Variants in ADGRL2 observed in about 807,000 individuals in gnomAD.
ADGRL2 encodes the protein adhesion G protein-coupled receptor L2, also known as calcium-independent alpha-latrotoxin receptor 2.
Under a neutral mutation model 157.4 loss-of-function variants are expected in ADGRL2, and 44 were observed. That is an observed-to-expected ratio of 0.28 (90% CI 0.22 to 0.36). The LOEUF is 0.36. Ranked by LOEUF, ADGRL2 falls within the 10% of genes least tolerant of loss-of-function variation. ADGRL2 has a pLI of 1.00. For synonymous variants in ADGRL2, 585 were observed against 624.7 expected, an observed-to-expected ratio of 0.94 and a Z score of 0.95; for missense variants, 1,510 against 1,768.9, an observed-to-expected ratio of 0.85 and a Z score of 2.63.
chr1:81,976,977 CT>C, intron 17 of ADGRL2, among the ~76,000 whole-genome samples: 1 of 151,906 alleles, frequency 6.6e-6, no homozygotes, highest in Non-Finnish European at 1.5e-5. Context: ...GAAATGGAAA[CT>C]TTTAAATATA....
At chr1:81,741,241 A>G (rs889247719) in intron 1 of ADGRL2, among the ~76,000 whole-genome samples, 1 of 152,058 alleles carries the variant, frequency 6.6e-6, no homozygotes, top group Admixed American at 6.6e-5. Context: ...ATGGTAAAGA[A>G]AGGTATAAGA....
chr1:81,556,312 AT>A (rs145670261), intron 2 of ADGRL2, among the ~76,000 whole-genome samples: 162 of 87,120 alleles, frequency 1.9e-3, no homozygotes, highest in African/African-American at 4.2e-3. Context: ...GGCTGTCACA[AT>A]TTTTTTTTTT....
chr1:81,534,896 A>T (rs1289577093), intron 2 of ADGRL2, among the ~76,000 whole-genome samples: 1 of 152,226 alleles, frequency 6.6e-6, no homozygotes, highest in African/African-American at 2.4e-5. Flanking sequence ...TATTTTTAAC[A>T]TTCTTTGTGA....
chr1:81,853,352 C>T (rs116473937), intron 2 of ADGRL2, among the ~76,000 whole-genome samples: 345 of 152,114 alleles, frequency 2.3e-3, no homozygotes, highest in Non-Finnish European at 3.9e-3. Flanking sequence ...GGACAATGTA[C>T]GACTGCAGGT....
At chr1:81,430,019 G>A (rs1038294531) in intron 1 of ADGRL2, among the ~76,000 whole-genome samples, 5 of 152,182 alleles carry the variant, frequency 3.3e-5, no homozygotes, top group South Asian at 2.1e-4. Context: ...TCAGCCTCCC[G>A]AGTAGCTGGG....
At chr1:81,858,408 T>A (rs2093277542) in intron 2 of ADGRL2, among the ~76,000 whole-genome samples, 1 of 152,188 alleles carries the variant, frequency 6.6e-6, no homozygotes, top group African/African-American at 2.4e-5. Context: ...TAAATGCAAC[T>A]TTTTTGGTAG....
intron 2 of ADGRL2, among the ~76,000 whole-genome samples, chr1:81,509,347 C>A (rs1489232888): frequency 6.6e-6 from 1 of 151,588 alleles, no homozygotes; most frequent in African/African-American, 2.4e-5. Flanking sequence ...AGAATCACTT[C>A]GGAAAAAATA....
At chr1:81,964,868 A>C (rs1656584915) in intron 11 of ADGRL2, among the ~76,000 whole-genome samples, 1 of 152,060 alleles carries the variant, frequency 6.6e-6, no homozygotes, top group African/African-American at 2.4e-5. Context: ...AATTCCTTAG[A>C]TTTCATCAAT....
At chr1:81,518,249 C>T (rs547929022) in intron 2 of ADGRL2, among the ~76,000 whole-genome samples, 9 of 152,356 alleles carry the variant, frequency 5.9e-5, no homozygotes, top group Admixed American at 2.0e-4. Flanking sequence ...ACAAACACCA[C>T]CTTTCACAGT....
intron 3 of ADGRL2, among the ~76,000 whole-genome samples, chr1:81,636,721 G>C (rs139314674): frequency 6.6e-6 from 1 of 152,166 alleles, no homozygotes; most frequent in Non-Finnish European, 1.5e-5. Context: ...GGAAACAGTA[G>C]ACTAAACCTC....
At chr1:81,738,177 C>T (rs990037908) in intron 1 of ADGRL2, among the ~76,000 whole-genome samples, 1 of 152,148 alleles carries the variant, frequency 6.6e-6, no homozygotes, top group African/African-American at 2.4e-5. Flanking sequence ...GATCCGGATC[C>T]GGATGTAGGT....
intron 2 of ADGRL2, among the ~76,000 whole-genome samples, chr1:81,547,171 T>A (rs1026687122): frequency 2.6e-5 from 4 of 152,138 alleles, no homozygotes; most frequent in African/African-American, 9.7e-5. Flanking sequence ...CACAGGACAC[T>A]CAGAAAAGCT....
intron 1 of ADGRL2, among the ~76,000 whole-genome samples, chr1:81,726,333 G>A (rs181263605): frequency 2.7e-4 from 41 of 152,248 alleles, no homozygotes; most frequent in Admixed American, 6.5e-4. Context: ...CTGGGTTACT[G>A]AAACCCTTAG....
In ADGRL2 at chr1:81,531,772, G is replaced by A. The variant is rs571977290; in HGVS notation, c.-247-49104G>A. The stretch of plus-strand genomic sequence containing the variant: ...GCTAGGATCGTGTCTAGAATGAAGG[G>A]CCTATATTAGTTATTGGCTGGATTC... On this transcript the variant is annotated intron_variant, in intron 2 of 24. Transcript: ENST00000370721. Among the ~76,000 whole-genome samples, 6 of 152,236 alleles carry A rather than the reference G, an allele frequency of 3.9e-5. No homozygotes were observed. The East Asian group carries it at 1.2e-3, about 29-fold the overall frequency.
chr1:81,902,152 G>T (rs895240604), intron 2 of ADGRL2, among the ~76,000 whole-genome samples: 3 of 152,150 alleles, frequency 2.0e-5, no homozygotes, highest in Admixed American at 6.5e-5. Context: ...GGTTGAAGGG[G>T]TTTGTCTATT....
At chr1:81,647,208 G>C (rs2082330944) in intron 3 of ADGRL2, among the ~76,000 whole-genome samples, 1 of 152,144 alleles carries the variant, frequency 6.6e-6, no homozygotes, top group Admixed American at 6.5e-5. Flanking sequence ...ATCACACATA[G>C]TAGGTACTTA....
chr1:81,943,775 C>A lies in ADGRL2; in HGVS notation c.1210+6C>A. On this transcript the variant is annotated splice_donor_region_variant and intron_variant, in intron 6 of 23. Coordinates refer to ENST00000686636, the MANE Select transcript of ADGRL2 (RefSeq NM_001366006.2). The surrounding 1 kb of genome is among the most constrained non-coding windows in gnomAD (Gnocchi z 5.6). Reference sequence around the variant, plus strand: ...TCCACCTGATCCTGCCCAAGGTAAGCGTGTTTACTTGCTAATGCTTATGTC... The same window carrying A: ...TCCACCTGATCCTGCCCAAGGTAAGAGTGTTTACTTGCTAATGCTTATGTC... 1 of 1,602,960 alleles carries A rather than the reference C, an allele frequency of 6.2e-7. No individual in the cohort carries two copies. The highest frequency in any genetic ancestry group is 8.5e-7 in the Non-Finnish European group (1 of 1,171,642).
intron 1 of ADGRL2, among the ~76,000 whole-genome samples, chr1:81,346,699 TCAGA>T (rs1570681822): frequency 6.6e-6 from 1 of 152,266 alleles, no homozygotes; most frequent in East Asian, 1.9e-4. Context: ...GAGCTTATAC[TCAGA>T]CAAAGATCAG....
intron 1 of ADGRL2, among the ~76,000 whole-genome samples, chr1:81,441,797 C>A (rs2101680781): frequency 6.6e-6 from 1 of 152,292 alleles, no homozygotes; most frequent in South Asian, 2.1e-4. Flanking sequence ...CTTGGCTTCC[C>A]AAAGTGCTGG....
Sources: gnomAD v4.1 joint callset for allele counts (sites outside exome capture counted in the v4.1 genomes callset) on GRCh38, gnomAD v4.1.1 for gene constraint, Gnocchi (gnomAD v3.1) non-coding constraint, MANE v1.5 for transcripts, NCBI Gene and HGNC (gene_info 2026-07-23, HGNC 2026-07-21) for gene names.